The following PRR16 variants were observed in gnomAD, a reference collection of about 807,000 sequenced individuals.
PRR16 encodes the protein protein Largen.
PRR16 carries 6 observed loss-of-function variants against 18.2 expected under a neutral mutation model. That is an observed-to-expected ratio of 0.33 (90% CI 0.18 to 0.65). The LOEUF (loss-of-function observed/expected upper bound fraction) is 0.65, where lower values mean the gene tolerates loss of function less well. PRR16 is among the 30% of genes least tolerant of loss of function. The pLI is 0.74. For synonymous variants in PRR16, 151 were observed against 147.8 expected (o/e 1.02, Z -0.16); for missense variants, 412 against 376.6 (o/e 1.09, Z -0.78).
At chr5:120,785,861 G>T in the PRR16 span, among the ~76,000 whole-genome samples, 3 of 151,458 alleles carry the variant, frequency 2.0e-5, no homozygotes, top group Admixed American at 6.6e-5. Flanking sequence ...GAGCTACCGC[G>T]CCTGGCCTAG....
chr5:120,565,768 T>A (rs888473392), intron 1 of PRR16, among the ~76,000 whole-genome samples: 4 of 152,234 alleles, frequency 2.6e-5, no homozygotes, highest in African/African-American at 9.6e-5. Flanking sequence ...ATTATCTTCT[T>A]CAAAATGAAT....
At position 120,499,561 on chromosome 5, in the gene PRR16, A is replaced by G. The variant is rs1054943986; in HGVS notation, c.159+34916A>G. ...ATTGATTCTATTCCCTGGGGTTTTAATTTTGATTTTTGTATTTTCCACCAC... is the reference window on the plus strand; with the variant it reads ...ATTGATTCTATTCCCTGGGGTTTTAGTTTTGATTTTTGTATTTTCCACCAC... On this transcript the variant is annotated intron_variant, in intron 1 of 1. Coordinates refer to ENST00000407149, the MANE Select transcript of PRR16 (RefSeq NM_001300783.2). Among the ~76,000 whole-genome samples the G allele has an allele frequency of 8.8e-4, 134 of 151,906 alleles. 1 individual carries two copies. Among genetic ancestry groups the G allele is most frequent in the African/African-American group, 2.9e-3 (122 of 41,428 alleles).
chr5:120,596,814 G>T (rs1410458191), intron 1 of PRR16, among the ~76,000 whole-genome samples: 1 of 151,090 alleles, frequency 6.6e-6, no homozygotes, highest in Non-Finnish European at 1.5e-5. Flanking sequence ...AATAAAATAT[G>T]CATAATTTTA....
chr5:120,504,759 G>C (rs766483863), intron 1 of PRR16, among the ~76,000 whole-genome samples: 2 of 152,132 alleles, frequency 1.3e-5, no homozygotes, highest in Non-Finnish European at 2.9e-5. Flanking sequence ...GACTCTTAAA[G>C]GTATGACAAA....
At chr5:120,615,704 T>A (rs1432252097) in intron 1 of PRR16, among the ~76,000 whole-genome samples, 1 of 152,164 alleles carries the variant, frequency 6.6e-6, no homozygotes, top group African/African-American at 2.4e-5. Flanking sequence ...CATTAGATTA[T>A]TATTTTTAAT....
intron 1 of PRR16, among the ~76,000 whole-genome samples, chr5:120,574,277 A>C (rs1240931067): frequency 6.6e-6 from 1 of 152,152 alleles, no homozygotes; most frequent in African/African-American, 2.4e-5. Context: ...TCATATACAA[A>C]AAATATACAA....
At chr5:120,577,894 A>G (rs1314408035) in intron 1 of PRR16, among the ~76,000 whole-genome samples, 2 of 152,230 alleles carry the variant, frequency 1.3e-5, no homozygotes, top group African/African-American at 4.8e-5. Context: ...TAACTTACTT[A>G]AGTTCACACT....
chr5:120,690,969 G>A (rs1325355870), downstream of PRR16, among the ~76,000 whole-genome samples: 1 of 152,112 alleles, frequency 6.6e-6, no homozygotes, highest in Non-Finnish European at 1.5e-5. Flanking sequence ...TAAAGACACA[G>A]GGAAAATAAG....
At chr5:120,602,971 C>G (rs1754033982) in intron 1 of PRR16, among the ~76,000 whole-genome samples, 2 of 151,814 alleles carry the variant, frequency 1.3e-5, no homozygotes, top group Non-Finnish European at 2.9e-5. Context: ...TTTGCTAGTA[C>G]TTTGTTGAGG....
chr5:120,491,639 G>C (rs1267019263), intron 1 of PRR16, among the ~76,000 whole-genome samples: 1 of 151,978 alleles, frequency 6.6e-6, no homozygotes, highest in Non-Finnish European at 1.5e-5. Flanking sequence ...TGCCTCTCAG[G>C]TTCAAGCGAT....
intron 1 of PRR16, among the ~76,000 whole-genome samples, chr5:120,636,339 A>C (rs1395889431): frequency 6.6e-6 from 1 of 152,230 alleles, no homozygotes; most frequent in African/African-American, 2.4e-5. Context: ...AAGAAAAAGA[A>C]AACATCTGGA....
chr5:120,628,689 TTCTACC>T lies in PRR16; in HGVS notation c.160-57264_160-57259del, dbSNP rs1561581754. ...TACCTATCTATCTATCTATCTATCA[TTCTACC>T]ATCTATCTATCTATCTATCTATCTA... On this transcript the variant is annotated intron_variant, in intron 1 of 1. Transcript: ENST00000407149. Among the ~76,000 whole-genome samples, 34 of 142,126 alleles carry T rather than the reference TTCTACC, an allele frequency of 2.4e-4. 1 individual carries two copies. The East Asian group carries it at 6.2e-3, about 26-fold the overall frequency. The allele number at this position is 142,126 out of a possible 152,430, so 93.2% of individuals were successfully genotyped here.
At chr5:120,769,729 G>A in the PRR16 span, among the ~76,000 whole-genome samples, 1 of 151,820 alleles carries the variant, frequency 6.6e-6, no homozygotes, top group Non-Finnish European at 1.5e-5. Flanking sequence ...ATGCCCAGAA[G>A]CGGAATTGCT....
the PRR16 span, among the ~76,000 whole-genome samples, chr5:120,785,590 T>C: frequency 6.9e-6 from 1 of 144,408 alleles, no homozygotes; most frequent in East Asian, 2.0e-4. Flanking sequence ...TTTTTTTTTT[T>C]GAGACAGAGT....
intron 1 of PRR16, among the ~76,000 whole-genome samples, chr5:120,493,198 CA>C (rs1391418128): frequency 1.3e-5 from 2 of 149,910 alleles, no homozygotes; most frequent in African/African-American, 4.9e-5. Context: ...GTTCTCTTTT[CA>C]CCACATCTAC....
At chr5:120,555,735 C>G (rs1752387247) in intron 1 of PRR16, among the ~76,000 whole-genome samples, 1 of 149,986 alleles carries the variant, frequency 6.7e-6, no homozygotes, top group Non-Finnish European at 1.5e-5. Flanking sequence ...TAAGGCCTAT[C>G]TATAAAATGG....
At chr5:120,635,619 T>C (rs1755201801) in intron 1 of PRR16, among the ~76,000 whole-genome samples, 1 of 152,020 alleles carries the variant, frequency 6.6e-6, no homozygotes, top group Non-Finnish European at 1.5e-5. Flanking sequence ...GGACATACCT[T>C]AAGGTAGTAA....
intron 1 of PRR16, among the ~76,000 whole-genome samples, chr5:120,641,323 A>G (rs1337075600): frequency 6.6e-6 from 1 of 152,194 alleles, no homozygotes; most frequent in Admixed American, 6.6e-5. Context: ...AACTGAGGAC[A>G]TTAATGAGGG....
In PRR16 at chr5:120,570,869, TAAA is replaced by T. The variant is rs576822795; in HGVS notation, c.159+106225_159+106227del. Among the ~76,000 whole-genome samples, 589 of 152,206 alleles carry T rather than the reference TAAA, an allele frequency of 3.9e-3. 2 individuals are homozygous for T. The highest frequency in any genetic ancestry group is 0.012 in the South Asian group (59 of 4,826). ...AATATATATAGTTTCTTAAAGTTCTTAAAGAAGAATATGAATACAATAAAATTA... is the reference window on the plus strand; with the variant it reads ...AATATATATAGTTTCTTAAAGTTCTTGAAGAATATGAATACAATAAAATTA... On this transcript the variant is annotated intron_variant, in intron 1 of 1. Transcript: ENST00000407149.
Sources: gnomAD v4.1 joint callset for allele counts (sites outside exome capture counted in the v4.1 genomes callset) on GRCh38, gnomAD v4.1.1 for gene constraint, MANE v1.5 for transcripts, NCBI Gene and HGNC (gene_info 2026-07-23, HGNC 2026-07-21) for gene names.